The following KDM5C variants were observed in gnomAD, a reference collection of about 807,000 sequenced individuals.
The protein encoded by KDM5C is lysine demethylase 5C.
Under a neutral mutation model 110.6 loss-of-function variants are expected in KDM5C, and 16 were observed. That is an observed-to-expected ratio of 0.14 (90% CI 0.10 to 0.22). KDM5C has a LOEUF of 0.22. Ranked by LOEUF, KDM5C falls within the 10% of genes least tolerant of loss-of-function variation. KDM5C has a pLI of 1.00. For missense variants in KDM5C, 681 were observed against 1,300.9 expected, an observed-to-expected ratio of 0.52 and a Z score of 7.33; for synonymous variants, 511 against 520.4, an observed-to-expected ratio of 0.98 and a Z score of 0.24.
intron 18 of KDM5C, 109 bp from the exon 19 acceptor site, chrX:53,197,153 G>A (rs1602170667): frequency 1.7e-6 from 1 of 593,812 alleles, no homozygotes; most frequent in Non-Finnish European, 2.7e-6. Context: ...AAGCTTTTGG[G>A]GCAAAGGAGC....
In KDM5C at chrX:53,192,869, A is replaced by AACCCCCCC; in HGVS notation, c.*97_*98insGGGGGGGT. On this transcript the variant is annotated 3_prime_UTR_variant, in exon 26 of 26. Transcript: ENST00000375401. ...GGGTAGCAGGGATGGCCACCCCCCT[A>AACCCCCCC]CCCGCCCACCCCCCAAGAAGCAGGC... 11 of 179,855 alleles carry AACCCCCCC rather than the reference A, an allele frequency of 6.1e-5. No individual in the cohort carries two copies. Among genetic ancestry groups the AACCCCCCC allele is most frequent in the South Asian group, 9.1e-5 (1 of 10,985 alleles). The allele number at this position is 179,855 out of a possible 1,213,427, so 14.8% of individuals were successfully genotyped here.
At chrX:53,218,187 A>G in intron 3 of KDM5C, 89 bp downstream of exon 3, 1 of 1,078,529 alleles carries the variant, frequency 9.3e-7, no homozygotes, top group Non-Finnish European at 1.3e-6. Context: ...TGCAGCCTAA[A>G]GATCTAATAT....
chrX:53,223,420 G>A (rs1232078398), intron 1 of KDM5C, among the ~76,000 whole-genome samples: 1 of 111,139 alleles, frequency 9.0e-6, no homozygotes, highest in Non-Finnish European at 1.9e-5. Context: ...ACCTCCTAGA[G>A]GATCTATCTG....
chrX:53,209,656 C>CT (rs1688090024), intron 12 of KDM5C, among the ~76,000 whole-genome samples: 1 of 111,589 alleles, frequency 9.0e-6, no homozygotes, highest in African/African-American at 3.3e-5. Flanking sequence ...GATAGAGGAT[C>CT]TACTAATTCC....
In KDM5C at chrX:53,198,657, A is replaced by G; in HGVS notation, c.2369-20T>C. The G allele has an allele frequency of 1.7e-6, 2 of 1,211,990 alleles. No individual in the cohort carries two copies. Among genetic ancestry groups the G allele is most frequent in the Non-Finnish European group, 2.2e-6 (2 of 895,469 alleles). On this transcript the variant is annotated intron_variant, in intron 16 of 25. Transcript: ENST00000375401. ...CAAGGCCTGGAAGAAAAATGAGGGC[A>G]GCAAAGAGTAGGCAGTATTGAATAG... is the stretch of plus-strand genomic sequence containing the variant.
rs2073042816 is a variant in KDM5C, at chrX:53,198,596, G to A, written c.2410C>T (p.Arg804Trp). The A allele has an allele frequency of 8.3e-7, 1 of 1,211,702 alleles. No homozygotes were observed. The highest frequency in any genetic ancestry group is 1.1e-6 in the Non-Finnish European group (1 of 895,432). Residue 804 changes from arginine to tryptophan, a missense_variant, in exon 17 of 26, where the codon CGG (arginine) becomes TGG (tryptophan). Arg to Trp is a moderately radical substitution (Grantham distance 101). Around this residue, in one of 14 missense-constraint regions of KDM5C, gnomAD observed 123 missense variants for 169.0 expected, o/e 0.73. Coordinates refer to ENST00000375401, the MANE Select transcript of KDM5C (RefSeq NM_004187.5). ...LRALESEARERRFPNSELLQQ... is the reference protein window; with the variant it reads ...LRALESEAREWRFPNSELLQQ... ...AGCAGCTCACTATTAGGAAACCTCC[G>A]CTCACGGGCTTCAGACTCTAGTGCC...
intron 18 of KDM5C, 65 bp downstream of exon 18, chrX:53,197,706 G>T: frequency 1.1e-6 from 1 of 909,783 alleles, no homozygotes; most frequent in Non-Finnish European, 1.6e-6. Flanking sequence ...AAGGAGCCAA[G>T]CATGGCCTGC....
intron 5 of KDM5C, among the ~76,000 whole-genome samples, chrX:53,216,480 C>T (rs1390598999): frequency 4.5e-5 from 5 of 112,131 alleles, no homozygotes; most frequent in Non-Finnish European, 5.6e-5. Context: ...GGGTTAGGGA[C>T]AATACATATG....
At chrX:53,198,461 G>A (rs1179320272) in intron 17 of KDM5C, 29 bp downstream of exon 17, 18 of 1,188,099 alleles carry the variant, frequency 1.5e-5, no homozygotes, top group Middle Eastern at 2.5e-4. Flanking sequence ...AGCACCTTAT[G>A]TGTGCCCTAA....
chrX:53,211,749 A>T, intron 9 of KDM5C, 38 bp downstream of exon 9: 1 of 1,210,637 alleles, frequency 8.3e-7, no homozygotes, highest in Non-Finnish European at 1.1e-6. Flanking sequence ...AATACCTATG[A>T]TCCTAGCCCA....
Position 53,192,686 on chromosome X carries a change from C to G in KDM5C, c.*281G>C. The G allele has an allele frequency of 5.3e-6, 6 of 1,137,789 alleles. 1 individual carries two copies. Among genetic ancestry groups the G allele is most frequent in the South Asian group, 1.9e-5 (1 of 51,672 alleles). 93.8% of individuals were successfully genotyped at this position (1,137,789 alleles called of 1,213,427 possible). A position where few individuals can be genotyped will look rare whatever the true frequency, so the allele number is the denominator to read the frequency against. Reference sequence around the variant, plus strand: ...GTGATGGCCCAGCCCCAGCCACCCCCCTGCCCACCAGCCCATCCATCTATC... The same window carrying G: ...GTGATGGCCCAGCCCCAGCCACCCCGCTGCCCACCAGCCCATCCATCTATC... On this transcript the variant is annotated 3_prime_UTR_variant, in exon 26 of 26. Coordinates refer to ENST00000375401, the MANE Select transcript of KDM5C (RefSeq NM_004187.5).
At chrX:53,220,981 C>A in intron 1 of KDM5C, 65 bp from the exon 2 acceptor site, 1 of 984,692 alleles carries the variant, frequency 1.0e-6, no homozygotes, top group Non-Finnish European at 1.4e-6. Flanking sequence ...CGGAAGTCAC[C>A]AAAAGCAGCT....
At chrX:53,215,687 T>C (rs890001108) in intron 7 of KDM5C, 108 bp downstream of exon 7, 19 of 839,991 alleles carry the variant, frequency 2.3e-5, no homozygotes, top group Non-Finnish European at 3.2e-5. Flanking sequence ...GCAGGGCCCA[T>C]GGAGGCCCGC....
chrX:53,215,866 G>A lies in KDM5C; in HGVS notation c.892C>T (p.Leu298=), dbSNP rs2146939563. ...GTGCAGGGTTCTGGGCTGTGACTCA[G>A]CTCCTCCTTGCTCTCCAGGAAGGTC... ...PKTFLESKEE[L]SHSPEPCTKM... Residue 298 remains leucine, a synonymous_variant, in exon 7 of 26, where the codon CTG becomes TTG. Transcript: ENST00000375401. 1 of 1,211,263 alleles carries A rather than the reference G, an allele frequency of 8.3e-7. No individual in the cohort carries two copies. Among genetic ancestry groups the A allele is most frequent in the East Asian group, 3.0e-5 (1 of 33,830 alleles).
chrX:53,181,675 CAAAAAAAAAA>C (rs60649092), intron 25 of KDM5C, among the ~76,000 whole-genome samples: 2 of 52,641 alleles, frequency 3.8e-5, no homozygotes, highest in Non-Finnish European at 6.4e-5. Flanking sequence ...GACCATGTCT[CAAAAAAAAAA>C]AAAAAAAAAA....
At position 53,211,842 on chromosome X, in the gene KDM5C, C is replaced by G. The variant is rs1556849118; in HGVS notation, c.1187G>C (p.Ser396Thr). The G allele has an allele frequency of 8.3e-7, 1 of 1,211,191 alleles. No homozygotes were observed. The highest frequency in any genetic ancestry group is 1.8e-5 in the South Asian group (1 of 56,847). Reference protein sequence around the residue: ...EQATREYTLQSFGEMADSFKA... With the variant: ...EQATREYTLQTFGEMADSFKA... Reference sequence around the variant, plus strand: ...AAAGGAGTCGGCCATCTCGCCAAAGCTCTGCAGAGTGTATTCCCGGGTAGC... The same window carrying G: ...AAAGGAGTCGGCCATCTCGCCAAAGGTCTGCAGAGTGTATTCCCGGGTAGC... Residue 396 changes from serine (S) to threonine (T), a missense_variant, in exon 9 of 26, where the codon AGC becomes ACC. Ser to Thr is a moderately conservative substitution (Grantham distance 58, BLOSUM62 1). Transcript: ENST00000375401.
rs781978236 is a variant in KDM5C at position 53,198,786 on chromosome X, C to T, written c.2346G>A (p.Glu782=). The T allele has an allele frequency of 1.6e-6, 2 of 1,212,440 alleles. No homozygotes were observed. Among genetic ancestry groups the T allele is most frequent in the South Asian group, 1.8e-5 (1 of 57,050 alleles). Residue 782 remains glutamate, a synonymous_variant, in exon 16 of 26, where the codon GAG becomes GAA. Coordinates refer to ENST00000375401, the MANE Select transcript of KDM5C (RefSeq NM_004187.5). ...TWANKVRVAL[E]VEDGRKRSLE... ...CACTGCGCTTCCGCCCATCCTCCACCTCCAGGGCCACTCGCACTTTGTTGG... is the reference window on the plus strand; with the variant it reads ...CACTGCGCTTCCGCCCATCCTCCACTTCCAGGGCCACTCGCACTTTGTTGG...
intron 7 of KDM5C, 51 bp downstream of exon 7, chrX:53,215,744 T>TATTGAAGGGAC: frequency 8.6e-7 from 1 of 1,158,081 alleles, no homozygotes; most frequent in Non-Finnish European, 1.2e-6. Flanking sequence ...GGGGAATGCT[T>TATTGAAGGGAC]ATTGAAGGGA....
intron 12 of KDM5C, among the ~76,000 whole-genome samples, chrX:53,210,171 T>C (rs1005065714): frequency 2.7e-5 from 3 of 112,630 alleles, no homozygotes; most frequent in Admixed American, 1.9e-4. Flanking sequence ...GTAGATGTGA[T>C]AATAAGCCAC....
Sources: allele counts gnomAD v4.1 joint callset (sites outside exome capture counted in the v4.1 genomes callset), GRCh38; gene constraint gnomAD v4.1.1; regional missense constraint gnomAD v4.1.1; transcripts MANE v1.5; gene names NCBI Gene and HGNC (gene_info 2026-07-23, HGNC 2026-07-21).